The following ERICH5 variants were observed in gnomAD, a reference collection of about 807,000 sequenced individuals.
The protein encoded by ERICH5 is glutamate rich 5.
A neutral mutation model predicts 28.0 loss-of-function variants in ERICH5; 24 were observed. That is an observed-to-expected ratio of 0.86 (90% CI 0.62 to 1.21). The LOEUF is 1.21. Among genes scored for constraint, ERICH5 ranks in the 50% most tolerant of loss-of-function variants. ERICH5 has a pLI of 0.00. For missense variants in ERICH5, 421 were observed against 441.2 expected (o/e 0.95, Z 0.41); for synonymous variants, 163 against 157.6 (o/e 1.03, Z -0.25).
chr8:98,085,700 A>G (rs1815264053), intron 1 of ERICH5, among the ~76,000 whole-genome samples: 1 of 152,220 alleles, frequency 6.6e-6, no homozygotes, highest in South Asian at 2.1e-4. Flanking sequence ...CTTCGAGGAT[A>G]AAAATCTAAA....
chr8:98,074,919 G>A (rs1011449355), intron 1 of ERICH5, among the ~76,000 whole-genome samples: 2 of 152,094 alleles, frequency 1.3e-5, no homozygotes, highest in Non-Finnish European at 2.9e-5. Flanking sequence ...ATCCCACATT[G>A]CATGTAGTCA....
chr8:98,065,348 G>C (rs1306722406), intron 1 of ERICH5, among the ~76,000 whole-genome samples: 3 of 152,194 alleles, frequency 2.0e-5, no homozygotes, highest in Non-Finnish European at 2.9e-5. Flanking sequence ...ATGGGTCCCT[G>C]CACTCTGAAT....
chr8:98,074,430 T>TA (rs1366062390), intron 1 of ERICH5, among the ~76,000 whole-genome samples: 1 of 148,874 alleles, frequency 6.7e-6, no homozygotes. Context: ...AATTTACTTT[T>TA]TTTTTTTTTT....
chr8:98,066,695 C>T (rs529694737), intron 1 of ERICH5, among the ~76,000 whole-genome samples: 4 of 152,314 alleles, frequency 2.6e-5, no homozygotes, highest in South Asian at 4.1e-4. Context: ...GCGTAAATTG[C>T]TCAACACACA....
At chr8:98,065,959 G>A (rs1367671161) in intron 1 of ERICH5, among the ~76,000 whole-genome samples, 1 of 152,196 alleles carries the variant, frequency 6.6e-6, no homozygotes, top group Non-Finnish European at 1.5e-5. Flanking sequence ...TTTTTGTGGT[G>A]TATGAGAATT....
At chr8:98,076,890 A>G (rs1344099072) in intron 1 of ERICH5, among the ~76,000 whole-genome samples, 1 of 152,108 alleles carries the variant, frequency 6.6e-6, no homozygotes, top group Non-Finnish European at 1.5e-5. Context: ...AAGCAGCTAA[A>G]TCTTCAAAGT....
At chr8:98,086,161 A>C (rs1417551147) in intron 1 of ERICH5, among the ~76,000 whole-genome samples, 1 of 152,210 alleles carries the variant, frequency 6.6e-6, no homozygotes. Context: ...TTTAAAAAAT[A>C]GTTTAAACCC....
chr8:98,069,802 C>T (rs1333691970), intron 1 of ERICH5, among the ~76,000 whole-genome samples: 1 of 152,118 alleles, frequency 6.6e-6, no homozygotes, highest in Non-Finnish European at 1.5e-5. Context: ...TTCTGTAAGA[C>T]TTGAAGCAGT....
intron 1 of ERICH5, among the ~76,000 whole-genome samples, chr8:98,075,380 T>C (rs1815030619): frequency 6.6e-6 from 1 of 152,228 alleles, no homozygotes; most frequent in Non-Finnish European, 1.5e-5. Flanking sequence ...TTTCAAATGT[T>C]TACACCAGGA....
intron 1 of ERICH5, among the ~76,000 whole-genome samples, chr8:98,065,137 A>C (rs1033219647): frequency 1.3e-5 from 2 of 152,184 alleles, no homozygotes; most frequent in Non-Finnish European, 2.9e-5. Context: ...CAATCTCAGC[A>C]CTTTGGGAGG....
rs371508166 is a variant in ERICH5, at chr8:98,090,018, A to C, written c.1001A>C (p.Gln334Pro). The change falls in exon 2 of 3, where the codon CAA (glutamine) becomes CCA (proline). Residue 334 changes from glutamine to proline, a missense_variant. Transcript: ENST00000318528. ...IRNIHTNEEDQRIEGETGEKV... is the reference protein window; with the variant it reads ...IRNIHTNEEDPRIEGETGEKV... Reference sequence around the variant, plus strand: ...AACATCCATACTAATGAAGAGGACCAACGCATTGAAGGTAAAAGTTATGCT... The same window carrying C: ...AACATCCATACTAATGAAGAGGACCCACGCATTGAAGGTAAAAGTTATGCT... 4 of 1,609,060 alleles carry C rather than the reference A, an allele frequency of 2.5e-6. No individual in the cohort carries two copies. The highest frequency in any genetic ancestry group is 2.2e-5 in the East Asian group (1 of 44,796).
intron 2 of ERICH5, among the ~76,000 whole-genome samples, chr8:98,091,206 G>T (rs1055380610): frequency 1.3e-5 from 2 of 152,196 alleles, no homozygotes; most frequent in African/African-American, 4.8e-5. Flanking sequence ...AAAGTGCCGG[G>T]ATTACAGGCA....
Position 98,064,744 on chromosome 8 carries a change from C to T in ERICH5, c.58+17C>T, listed in dbSNP as rs1814788838. ...TCCCCAGCGGTGAGCAGGGTACCGG[C>T]GCCGCCCGCGCCCGGGCTGGGGACT... On this transcript the variant is annotated intron_variant, in intron 1 of 2. Coordinates refer to ENST00000318528, the MANE Select transcript of ERICH5 (RefSeq NM_173549.3). The T allele has an allele frequency of 1.3e-6, 2 of 1,522,900 alleles. No individual in the cohort carries two copies. The highest frequency in any genetic ancestry group is 1.8e-6 in the Non-Finnish European group (2 of 1,137,712). 94.3% of individuals were successfully genotyped at this position (1,522,900 alleles called of 1,614,324 possible).
intron 1 of ERICH5, among the ~76,000 whole-genome samples, chr8:98,073,486 GTA>G (rs1474561796): frequency 0.015 from 61 of 3,942 alleles, 3 homozygotes; most frequent in East Asian, 0.17. Flanking sequence ...ATATATATAT[GTA>G]TATATATATA....
At chr8:98,091,949 C>CTTTCTTTCTTTCTTTCT (rs71271196) in intron 2 of ERICH5, among the ~76,000 whole-genome samples, 7 of 102,004 alleles carry the variant, frequency 6.9e-5, no homozygotes, top group African/African-American at 2.6e-4. Flanking sequence ...TTCTTTCTTT[C>CTTTCTTTCTTTCTTTCT]TTCTTTCTTT....
At chr8:98,091,195 C>G (rs1476308193) in intron 2 of ERICH5, among the ~76,000 whole-genome samples, 1 of 152,210 alleles carries the variant, frequency 6.6e-6, no homozygotes, top group Admixed American at 6.5e-5. Flanking sequence ...CTCGGCCTCC[C>G]AAAGTGCCGG....
intron 1 of ERICH5, among the ~76,000 whole-genome samples, chr8:98,065,084 A>G (rs1440125713): frequency 1.3e-5 from 2 of 152,148 alleles, no homozygotes; most frequent in Admixed American, 6.5e-5. Flanking sequence ...GAAATGTCCT[A>G]TCAAGGCCTT....
intron 1 of ERICH5, among the ~76,000 whole-genome samples, chr8:98,085,339 A>G (rs1393115106): frequency 6.7e-6 from 1 of 150,284 alleles, no homozygotes; most frequent in Non-Finnish European, 1.5e-5. Flanking sequence ...TTTTTTTTGT[A>G]TTTTTAGTAG....
chr8:98,089,159 T>G lies in ERICH5; in HGVS notation c.142T>G (p.Ser48Ala), dbSNP rs778186391. ...QPKPHALGRE[S>A]TVDGNVQRES... ...AAAGCCACATGCACTGGGAAGAGAA[T>G]CTACTGTTGATGGCAATGTACAAAG... Residue 48 changes from serine (S) to alanine (A), a missense_variant, in exon 2 of 3, where the codon TCT becomes GCT. Coordinates refer to ENST00000318528, the MANE Select transcript of ERICH5 (RefSeq NM_173549.3). 3.1e-6 allele frequency: 5 copies of G among 1,614,190 alleles called. No homozygotes were observed. Among genetic ancestry groups the G allele is most frequent in the Non-Finnish European group, 2.5e-6 (3 of 1,180,036 alleles).
Sources: allele counts gnomAD v4.1 joint callset (sites outside exome capture counted in the v4.1 genomes callset), GRCh38; gene constraint gnomAD v4.1.1; transcripts MANE v1.5; gene names NCBI Gene and HGNC (gene_info 2026-07-23, HGNC 2026-07-21).